The following CDK7 variants were observed in gnomAD, a reference collection of about 807,000 sequenced individuals.
CDK7 encodes cyclin-dependent kinase 7.
A neutral mutation model predicts 49.1 loss-of-function variants in CDK7; 25 were observed. The observed-to-expected ratio is 0.51, with a 90% CI of 0.37 to 0.71. The LOEUF is 0.71. CDK7 is among the 30% of genes least tolerant of loss of function. CDK7 has a pLI of 0.00. For synonymous variants in CDK7, 107 were observed against 140.0 expected, an observed-to-expected ratio of 0.76 and a Z score of 1.67; for missense variants, 316 against 411.7, an observed-to-expected ratio of 0.77 and a Z score of 2.01.
intron 8 of CDK7, among the ~76,000 whole-genome samples, chr5:69,265,561 T>A (rs1194076527): frequency 6.6e-6 from 1 of 152,222 alleles, no homozygotes; most frequent in Non-Finnish European, 1.5e-5. Flanking sequence ...TAGAATTCTT[T>A]GCCTGTTCAT....
intron 2 of CDK7, among the ~76,000 whole-genome samples, chr5:69,236,818 A>C (rs1473135909): frequency 1.3e-5 from 2 of 151,572 alleles, no homozygotes; most frequent in African/African-American, 4.8e-5. Context: ...CGCCCAGCTA[A>C]TATTTGTATT....
chr5:69,257,320 T>A (rs1750553199), intron 5 of CDK7, among the ~76,000 whole-genome samples: 1 of 152,158 alleles, frequency 6.6e-6, no homozygotes, highest in Non-Finnish European at 1.5e-5. Flanking sequence ...TGCTTTACCT[T>A]AAATCTGATT....
chr5:69,244,544 G>T (rs1369288871), intron 2 of CDK7, among the ~76,000 whole-genome samples: 2 of 151,494 alleles, frequency 1.3e-5, no homozygotes, highest in Non-Finnish European at 2.9e-5. Context: ...GCTGAGGAGG[G>T]AGAATTGCTT....
chr5:69,262,624 G>A (rs1263305051), intron 8 of CDK7, among the ~76,000 whole-genome samples: 1 of 148,406 alleles, frequency 6.7e-6, no homozygotes, highest in Non-Finnish European at 1.5e-5. Flanking sequence ...AGCCAAGATT[G>A]TGCCACTGCA....
At chr5:69,262,776 T>A (rs1373855926) in intron 8 of CDK7, among the ~76,000 whole-genome samples, 1 of 152,180 alleles carries the variant, frequency 6.6e-6, no homozygotes, top group East Asian at 1.9e-4. Context: ...AAATGTAGCA[T>A]TTTTTAATGT....
chr5:69,252,454 A>AAGT lies in CDK7; in HGVS notation c.160+5_160+7dup, dbSNP rs776122948. ...ACATAGATCAGAAGCTAAAGATGGT[A>AAGT]AGTATTTCATGTAATCTGACAGATA... is the stretch of plus-strand genomic sequence containing the variant. On this transcript the variant is annotated splice_donor_region_variant and intron_variant, in intron 3 of 11. Coordinates refer to ENST00000256443, the MANE Select transcript of CDK7 (RefSeq NM_001799.4). 37 of 1,460,006 alleles carry AAGT rather than the reference A, an allele frequency of 2.5e-5. No homozygotes were observed. In the African/African-American group the frequency reaches 5.2e-4, roughly 21 times the overall value. The allele number at this position is 1,460,006 out of a possible 1,614,324, so 90.4% of individuals were successfully genotyped here.
intron 8 of CDK7, among the ~76,000 whole-genome samples, 197 bp from the exon 9 acceptor site, chr5:69,269,010 G>GCA (rs1176083120): frequency 6.6e-6 from 1 of 152,036 alleles, no homozygotes; most frequent in Admixed American, 6.6e-5. Flanking sequence ...AGGCATGGTG[G>GCA]CATGCCCCTG....
At chr5:69,246,189 T>C (rs1381614936) in intron 2 of CDK7, among the ~76,000 whole-genome samples, 1 of 151,970 alleles carries the variant, frequency 6.6e-6, no homozygotes, top group Non-Finnish European at 1.5e-5. Flanking sequence ...AGGCTGGGAG[T>C]GCAGTGGCGC....
intron 7 of CDK7, among the ~76,000 whole-genome samples, chr5:69,260,707 C>A (rs936614057): frequency 8.5e-5 from 13 of 152,162 alleles, no homozygotes; most frequent in African/African-American, 3.1e-4. Context: ...TGTGAAAAAA[C>A]AGAAAATCAC....
Position 69,269,254 on chromosome 5 carries a change from A to G in CDK7, c.675A>G (p.Ile225Met). 1 of 1,612,088 alleles carries G rather than the reference A, an allele frequency of 6.2e-7. No homozygotes were observed. Among genetic ancestry groups the G allele is most frequent in the Non-Finnish European group, 8.5e-7 (1 of 1,179,336 alleles). Residue 225 changes from isoleucine to methionine, a missense_variant, in exon 9 of 12, where the codon ATA (isoleucine) becomes ATG (methionine). Physicochemically the swap from Ile to Met is conservative, Grantham distance 10. Transcript: ENST00000256443. Reference protein sequence around the residue: ...GDSDLDQLTRIFETLGTPTEE... With the variant: ...GDSDLDQLTRMFETLGTPTEE... ...CAGACCTTGATCAGCTAACAAGAAT[A>G]TTTGAAACTTTGGGCACACCAACTG...
Sources: gnomAD v4.1 joint callset for allele counts (sites outside exome capture counted in the v4.1 genomes callset) on GRCh38, gnomAD v4.1.1 for gene constraint, MANE v1.5 for transcripts, NCBI Gene and HGNC (gene_info 2026-07-23, HGNC 2026-07-21) for gene names.